Variants in THEM6 observed in about 807,000 individuals in gnomAD.
THEM6 encodes thioesterase superfamily member 6, also known as protein THEM6.
In THEM6, 10 loss-of-function variants were observed where a neutral mutation model predicts 13.7. The ratio of observed to expected loss-of-function variants is 0.73; its 90% CI spans 0.45 to 1.24. THEM6 has a LOEUF of 1.24. Among genes scored for constraint, THEM6 ranks in the 50% most tolerant of loss-of-function variants. THEM6 has a pLI of 0.00. For missense variants in THEM6, 317 were observed against 312.6 expected, an observed-to-expected ratio of 1.01 and a Z score of -0.11; for synonymous variants, 161 against 156.0, an observed-to-expected ratio of 1.03 and a Z score of -0.24.
At position 142,727,422 on chromosome 8, in the gene THEM6, C is replaced by A; in HGVS notation, c.76C>A (p.Arg26Ser). Reference protein sequence around the residue: ...FALLDVWYLVRLPCAVLRARL... With the variant: ...FALLDVWYLVSLPCAVLRARL... ...GCTGCTGGACGTCTGGTACCTGGTG[C>A]GCCTTCCGTGCGCCGTGCTGCGCGC... is the stretch of plus-strand genomic sequence containing the variant. Residue 26 changes from arginine to serine, a missense_variant, in exon 1 of 2, where the codon CGC becomes AGC. Arg to Ser is a moderately radical substitution (Grantham distance 110, BLOSUM62 -1). Transcript: ENST00000336138. 1 of 1,541,022 alleles carries A rather than the reference C, an allele frequency of 6.5e-7. No individual in the cohort carries two copies. The highest frequency in any genetic ancestry group is 8.7e-7 in the Non-Finnish European group (1 of 1,150,440).
intron 1 of THEM6, chr8:142,734,630 C>T (rs1460334346): frequency 6.5e-6 from 1 of 152,812 alleles, no homozygotes; most frequent in Non-Finnish European, 1.5e-5. Flanking sequence ...GGGAGTGGTC[C>T]AGGGGAGAGT....
chr8:142,733,540 C>T (rs1045237145), intron 1 of THEM6, among the ~76,000 whole-genome samples: 15 of 152,162 alleles, frequency 9.9e-5, no homozygotes, highest in Non-Finnish European at 1.8e-4. Flanking sequence ...CCTCATTTCC[C>T]AGCCCTCACT....
chr8:142,734,669 TG>T (rs2130003208), intron 1 of THEM6: 2 of 152,722 alleles, frequency 1.3e-5, no homozygotes, highest in East Asian at 1.9e-4. Flanking sequence ...GGACTTGCCA[TG>T]GGGGTCACGA....
intron 1 of THEM6, chr8:142,735,037 A>G: frequency 2.5e-6 from 1 of 401,854 alleles, no homozygotes; most frequent in South Asian, 3.4e-5. Flanking sequence ...TGTCACCCTG[A>G]GGCCTCTGGA....
intron 1 of THEM6, chr8:142,735,033 C>T: frequency 2.5e-6 from 1 of 398,678 alleles, no homozygotes; most frequent in Middle Eastern, 7.3e-4. Context: ...CCCCTGTCAC[C>T]CTGAGGCCTC....
At chr8:142,731,036 T>C (rs1384335075) in intron 1 of THEM6, among the ~76,000 whole-genome samples, 1 of 152,230 alleles carries the variant, frequency 6.6e-6, no homozygotes, top group African/African-American at 2.4e-5. Flanking sequence ...TGAGCCACCG[T>C]GCCCGGCCAA....
chr8:142,731,851 G>C (rs1554642969), intron 1 of THEM6, among the ~76,000 whole-genome samples: 1 of 152,070 alleles, frequency 6.6e-6, no homozygotes, highest in African/African-American at 2.4e-5. Flanking sequence ...GGCTGGGTGG[G>C]ATTTGCATGG....
At chr8:142,731,225 A>G (rs1323833566) in intron 1 of THEM6, among the ~76,000 whole-genome samples, 1 of 152,196 alleles carries the variant, frequency 6.6e-6, no homozygotes, top group Non-Finnish European at 1.5e-5. Flanking sequence ...ATACCCCTTT[A>G]GCTTTAGCCA....
intron 1 of THEM6, chr8:142,734,861 C>CTG (rs898823981): frequency 1.9e-5 from 3 of 160,438 alleles, no homozygotes; most frequent in African/African-American, 7.2e-5. Flanking sequence ...CACATGGTGG[C>CTG]TGTGTGTGTG....
chr8:142,727,514 C>G lies in THEM6; in HGVS notation c.168C>G (p.Pro56=), dbSNP rs782364392. ...AEQRFPGRVL[P]SDLDLLLHMN... ...AGCGCTTCCCGGGCCGCGTGCTGCC[C>G]TCGGACTTGGACCTGCTGCTGCACA... is the stretch of plus-strand genomic sequence containing the variant. The change falls in exon 1 of 2, where the codon CCC becomes CCG. Residue 56 remains proline (P), a synonymous_variant. Coordinates refer to ENST00000336138, the MANE Select transcript of THEM6 (RefSeq NM_016647.3). 3 of 1,579,622 alleles carry G rather than the reference C, an allele frequency of 1.9e-6. No individual in the cohort carries two copies. In the East Asian group the frequency reaches 7.0e-5, roughly 37 times the overall value.
chr8:142,731,466 C>T (rs1815645318), intron 1 of THEM6, among the ~76,000 whole-genome samples: 1 of 152,096 alleles, frequency 6.6e-6, no homozygotes, highest in South Asian at 2.1e-4. Context: ...AAATTATACA[C>T]TATTTCTTGC....
chr8:142,732,207 T>TATATATATATATATATATATATA (rs1563822652), intron 1 of THEM6, among the ~76,000 whole-genome samples: 4 of 91,502 alleles, frequency 4.4e-5, no homozygotes, highest in Admixed American at 1.2e-4. Flanking sequence ...TATATATATA[T>TATATATATATATATATATATATA]TTTAACTACT....
chr8:142,727,747 A>G lies in THEM6; in HGVS notation c.401A>G (p.Glu134Gly). The change falls in exon 1 of 2, where the codon GAG (glutamate) becomes GGG (glycine). Residue 134 changes from glutamate to glycine, a missense_variant. By Grantham distance (98) the Glu-to-Gly change is moderately conservative. Transcript: ENST00000336138. ...TGGGACGACCGCGCGTTCTACCTGG[A>G]GGCGCGCTTTGTCAGCCTGCGGGAC... The part of the protein sequence containing the change: ...LGWDDRAFYL[E>G]ARFVSLRDGF... The G allele has an allele frequency of 6.9e-7, 1 of 1,450,086 alleles. No individual in the cohort carries two copies. Among genetic ancestry groups the G allele is most frequent in the Admixed American group, 2.6e-5 (1 of 38,004 alleles). The allele number at this position is 1,450,086 out of a possible 1,614,324, so 89.8% of individuals were successfully genotyped here.
At position 142,727,279 on chromosome 8, in the gene THEM6, A is replaced by AACCAGCGCCGCGGACACCGGC; in HGVS notation, c.-64_-44dup. The AACCAGCGCCGCGGACACCGGC allele has an allele frequency of 7.2e-7, 1 of 1,384,036 alleles. No individual in the cohort carries two copies. The highest frequency in any genetic ancestry group is 9.3e-7 in the Non-Finnish European group (1 of 1,072,960). 85.7% of individuals were successfully genotyped at this position (1,384,036 alleles called of 1,614,324 possible). ...TCCCAGGAGGCCTGGCGGGCACCGT[A>AACCAGCGCCGCGGACACCGGC]ACCAGCGCCGCGGACACCGGCACCG... is the stretch of plus-strand genomic sequence containing the variant. On this transcript the variant is annotated 5_prime_UTR_variant, in exon 1 of 2. Transcript: ENST00000336138.
rs1487110504 is a variant in THEM6 at position 142,732,189 on chromosome 8, T to C, written c.514-3137T>C. On this transcript the variant is annotated intron_variant, in intron 1 of 1. Transcript: ENST00000336138. ...ATATATATATATATATATATATATA[T>C]ATATATATATATATATATTTTAACT... Among the ~76,000 whole-genome samples the C allele has an allele frequency of 4.9e-5, 5 of 102,666 alleles. 1 individual carries two copies. Among genetic ancestry groups the C allele is most frequent in the African/African-American group, 1.5e-4 (4 of 25,966 alleles). The allele number at this position is 102,666 out of a possible 152,430, so 67.4% of individuals were successfully genotyped here.
At position 142,727,425 on chromosome 8, in the gene THEM6, C is replaced by T. The variant is rs868985368; in HGVS notation, c.79C>T (p.Leu27Phe). ...ALLDVWYLVR[L>F]PCAVLRARLL... ...GCTGGACGTCTGGTACCTGGTGCGCCTTCCGTGCGCCGTGCTGCGCGCGCG... is the reference window on the plus strand; with the variant it reads ...GCTGGACGTCTGGTACCTGGTGCGCTTTCCGTGCGCCGTGCTGCGCGCGCG... Residue 27 changes from leucine (L) to phenylalanine (F), a missense_variant, in exon 1 of 2, where the codon CTT becomes TTT. Leu to Phe is a conservative substitution (Grantham distance 22). Transcript: ENST00000336138. 1.3e-6 allele frequency: 2 copies of T among 1,543,348 alleles called. No homozygotes were observed. The highest frequency in any genetic ancestry group is 1.7e-6 in the Non-Finnish European group (2 of 1,151,706).
At chr8:142,733,085 T>C (rs1815688576) in intron 1 of THEM6, among the ~76,000 whole-genome samples, 2 of 152,216 alleles carry the variant, frequency 1.3e-5, no homozygotes, top group Non-Finnish European at 2.9e-5. Context: ...CTGGTTTCCA[T>C]TGACTGGGAT....
At position 142,736,809 on chromosome 8, in the gene THEM6, A is replaced by G. The variant is rs1815781622; in HGVS notation, c.*1370A>G. ...TTGAGCCAGAGTCAAGGGCTGCAGC[A>G]CTGCCCGATAGAACACGCCCGCCCT... On this transcript the variant is annotated 3_prime_UTR_variant, in exon 2 of 2. Transcript: ENST00000336138. 6.6e-6 allele frequency: 1 copy of G among 152,294 alleles called. No individual in the cohort carries two copies. Among genetic ancestry groups the G allele is most frequent in the Non-Finnish European group, 1.5e-5 (1 of 68,076 alleles). The allele number at this position is 152,294 out of a possible 1,614,324, so 9.4% of individuals were successfully genotyped here.
chr8:142,735,228 G>A (rs940470020), intron 1 of THEM6, 98 bp from the exon 2 acceptor site: 10 of 886,208 alleles, frequency 1.1e-5, no homozygotes, highest in Admixed American at 2.1e-5. Flanking sequence ...GCGGGGCAGG[G>A]GATCTTGGAA....
Sources: gnomAD v4.1 joint callset for allele counts (sites outside exome capture counted in the v4.1 genomes callset) on GRCh38, gnomAD v4.1.1 for gene constraint, MANE v1.5 for transcripts, NCBI Gene and HGNC (gene_info 2026-07-23, HGNC 2026-07-21) for gene names.